Variants in ABCC11 observed in about 807,000 individuals in gnomAD.
The protein encoded by ABCC11 is ATP-binding cassette sub-family C member 11.
Under a neutral mutation model 149.3 loss-of-function variants are expected in ABCC11, and 135 were observed. That is an observed-to-expected ratio of 0.90 (90% confidence interval 0.79 to 1.04). The LOEUF is 1.04. Among genes scored for constraint, ABCC11 ranks in the 50% least tolerant of loss-of-function variants. ABCC11 has a pLI of 0.00. For missense variants in ABCC11, 1,680 were observed against 1,722.1 expected (o/e 0.98, Z 0.43); for synonymous variants, 665 against 671.4 (o/e 0.99, Z 0.15).
intron 23 of ABCC11, among the ~76,000 whole-genome samples, chr16:48,182,781 T>G (rs1966525279): frequency 7.8e-6 from 1 of 127,650 alleles, no homozygotes; most frequent in South Asian, 2.4e-4. Context: ...AGACTCCATC[T>G]CAAAAAAAAA....
At chr16:48,188,350 CA>C (rs773175057) in intron 20 of ABCC11, among the ~76,000 whole-genome samples, 15 of 152,340 alleles carry the variant, frequency 9.8e-5, no homozygotes, top group Admixed American at 2.6e-4. Flanking sequence ...TGCCCTCCAT[CA>C]CCCCCAGTAG....
At chr16:48,236,165 G>A (rs1970677883) in intron 1 of ABCC11, among the ~76,000 whole-genome samples, 1 of 152,178 alleles carries the variant, frequency 6.6e-6, no homozygotes, top group Admixed American at 6.5e-5. Flanking sequence ...GTAGCTTCAG[G>A]AGGGCATCTT....
intron 23 of ABCC11, among the ~76,000 whole-genome samples, chr16:48,182,460 C>A (rs902198573): frequency 6.6e-6 from 1 of 152,112 alleles, no homozygotes; most frequent in Non-Finnish European, 1.5e-5. Context: ...CACCACACTG[C>A]ATGAGATGAG....
At chr16:48,239,894 A>G (rs1970875735) in intron 1 of ABCC11, among the ~76,000 whole-genome samples, 1 of 152,244 alleles carries the variant, frequency 6.6e-6, no homozygotes, top group South Asian at 2.1e-4. Context: ...TCAAAAGAAG[A>G]TATTCATGTG....
At chr16:48,198,785 T>C (rs1967670078) in intron 15 of ABCC11, among the ~76,000 whole-genome samples, 2 of 152,104 alleles carry the variant, frequency 1.3e-5, no homozygotes, top group South Asian at 4.1e-4. Context: ...ATGCTTGTAA[T>C]TCCAGCACTT....
chr16:48,231,682 A>C, intron 2 of ABCC11, 141 bp downstream of exon 2: 1 of 1,100,948 alleles, frequency 9.1e-7, no homozygotes, highest in Non-Finnish European at 1.2e-6. Flanking sequence ...AAAAAGAGAG[A>C]GAGAGAGAGC....
At chr16:48,182,277 C>T (rs375240168) in intron 23 of ABCC11, among the ~76,000 whole-genome samples, 3 of 152,206 alleles carry the variant, frequency 2.0e-5, no homozygotes, top group South Asian at 2.1e-4. Flanking sequence ...TGGACATACA[C>T]GCACATGCCT....
intron 1 of ABCC11, among the ~76,000 whole-genome samples, chr16:48,240,280 C>T (rs1970900363): frequency 6.6e-6 from 1 of 152,160 alleles, no homozygotes; most frequent in Admixed American, 6.5e-5. Context: ...AACCTAAATG[C>T]CCATCAACAA....
chr16:48,231,715 T>A, intron 2 of ABCC11, 108 bp downstream of exon 2: 3 of 1,427,014 alleles, frequency 2.1e-6, no homozygotes, highest in East Asian at 2.4e-5. Flanking sequence ...GAAAAAAAAT[T>A]CAAGGGTAAA....
In ABCC11 at chr16:48,167,611, GTGTC is replaced by G. The variant is rs1965419738; in HGVS notation, c.3937_3940del (p.Asp1313ProfsTer2). On this transcript the variant is annotated frameshift_variant, in exon 29 of 30. Coordinates refer to ENST00000356608, the MANE Select transcript of ABCC11 (RefSeq NM_001370497.1). LOFTEE classifies it high-confidence loss of function. ...TTCACGGATTGTGCGCTGGATCAGG[GTGTC>G]TGTCTCCATGTCAATGGAGGCTGTG... is the stretch of plus-strand genomic sequence containing the variant. 6.2e-7 allele frequency: 1 copy of G among 1,612,292 alleles called. No homozygotes were observed. Among genetic ancestry groups the G allele is most frequent in the South Asian group, 1.1e-5 (1 of 91,060 alleles).
chr16:48,236,893 G>A (rs952208456), intron 1 of ABCC11, among the ~76,000 whole-genome samples: 1 of 152,140 alleles, frequency 6.6e-6, no homozygotes, highest in South Asian at 2.1e-4. Context: ...GTTTATTGTG[G>A]TTGTTGGGGC....
At chr16:48,192,486 A>G in intron 20 of ABCC11, 34 bp downstream of exon 20, 2 of 1,608,118 alleles carry the variant, frequency 1.2e-6, no homozygotes, top group Non-Finnish European at 1.7e-6. Flanking sequence ...TTCAGAGCTC[A>G]GCCTTCGGCC....
At chr16:48,167,436 G>C in intron 29 of ABCC11, 60 bp downstream of exon 29, 1 of 1,607,386 alleles carries the variant, frequency 6.2e-7, no homozygotes, top group Non-Finnish European at 8.5e-7. Flanking sequence ...GGACTCAAAG[G>C]CATCTGGGGT....
rs548432189 is a variant in ABCC11 at position 48,229,242 on chromosome 16, T to C, written c.236+1195A>G. 2.6e-5 allele frequency among the ~76,000 whole-genome samples: 4 copies of C among 152,180 alleles called. No homozygotes were observed. The East Asian group carries it at 5.8e-4, about 22-fold the overall frequency. On this transcript the variant is annotated intron_variant, in intron 3 of 29. Transcript: ENST00000356608. The stretch of plus-strand genomic sequence containing the variant: ...AAAGCCCCAACAGAAACAATATATT[T>C]ATCTAAGATGAGGTTACCCAGGTGA...
At chr16:48,198,301 T>C in intron 15 of ABCC11, 26 bp from the exon 16 acceptor site, 1 of 1,607,062 alleles carries the variant, frequency 6.2e-7, no homozygotes, top group Non-Finnish European at 8.5e-7. Flanking sequence ...AAAGAAAGGC[T>C]TCAGTAAGCA....
In ABCC11 at chr16:48,244,519, G is replaced by A. The variant is rs754438702; in HGVS notation, c.-19+2795C>T. The A allele has an allele frequency of 1.8e-5, 29 of 1,586,732 alleles. No individual in the cohort carries two copies. Among genetic ancestry groups the A allele is most frequent in the Middle Eastern group, 1.7e-4 (1 of 6,048 alleles). ...GCCCGCAACCTGCAGCTGGTGCGGA[G>A]CCGCCTTCTGAAGGGCACGTCGCTG... On this transcript the variant is annotated intron_variant, in intron 1 of 29. Coordinates refer to ENST00000356608, the MANE Select transcript of ABCC11 (RefSeq NM_001370497.1).
intron 3 of ABCC11, among the ~76,000 whole-genome samples, chr16:48,228,212 G>GT (rs971333642): frequency 1.1e-3 from 150 of 141,642 alleles, no homozygotes; most frequent in Middle Eastern, 3.7e-3. Context: ...GATGTTTGGG[G>GT]TTTTTTTTTT....
At chr16:48,201,584 G>T (rs942590420) in intron 14 of ABCC11, among the ~76,000 whole-genome samples, 5 of 150,984 alleles carry the variant, frequency 3.3e-5, no homozygotes, top group African/African-American at 1.2e-4. Flanking sequence ...AGGTGCTGGG[G>T]TTACACTGGA....
intron 12 of ABCC11, 34 bp downstream of exon 12, chr16:48,208,391 C>A (rs1968623789): frequency 1.2e-6 from 2 of 1,610,978 alleles, no homozygotes; most frequent in African/African-American, 2.7e-5. Flanking sequence ...GGACTGCCTG[C>A]AGACAGGCAA....
Sources: gnomAD v4.1 joint callset for allele counts (sites outside exome capture counted in the v4.1 genomes callset) on GRCh38, gnomAD v4.1.1 for gene constraint, MANE v1.5 for transcripts, NCBI Gene and HGNC (gene_info 2026-07-23, HGNC 2026-07-21) for gene names.